The following CADM1 variants were observed in gnomAD, a reference collection of about 807,000 sequenced individuals.
CADM1 encodes TSLC-1.
CADM1 carries 15 observed loss-of-function variants against 53.1 expected under a neutral mutation model. That is an observed-to-expected ratio of 0.28 (90% CI 0.19 to 0.44). CADM1 has a LOEUF of 0.44. Among genes scored for constraint, CADM1 ranks in the 20% least tolerant of loss-of-function variants. The pLI is 1.00. For synonymous variants in CADM1, 281 were observed against 243.0 expected (o/e 1.16, Z -1.45); for missense variants, 434 against 611.3 (o/e 0.71, Z 3.06).
intron 1 of CADM1, among the ~76,000 whole-genome samples, chr11:115,289,593 C>CTT (rs56766047): frequency 4.4e-4 from 48 of 109,054 alleles, no homozygotes; most frequent in Non-Finnish European, 7.8e-4. Context: ...CTTTTTTTTT[C>CTT]TTTTTTTTTT....
intron 6 of CADM1, among the ~76,000 whole-genome samples, chr11:115,215,438 T>G (rs1245206356): frequency 6.6e-6 from 1 of 152,178 alleles, no homozygotes; most frequent in East Asian, 1.9e-4. Context: ...CCTTGGCAAA[T>G]TGCCTTCTTT....
At chr11:115,316,204 C>T (rs902182715) in intron 1 of CADM1, among the ~76,000 whole-genome samples, 1 of 152,172 alleles carries the variant, frequency 6.6e-6, no homozygotes, top group Non-Finnish European at 1.5e-5. Context: ...GGACTCACCC[C>T]TACTATTTAG....
At chr11:115,209,045 T>C (rs1400457077) in intron 8 of CADM1, among the ~76,000 whole-genome samples, 5 of 152,234 alleles carry the variant, frequency 3.3e-5, no homozygotes, top group African/African-American at 9.6e-5. Flanking sequence ...TGACTCCCTC[T>C]GATCTCTTGT....
Position 115,173,721 on chromosome 11 carries a change from C to T in CADM1, c.*2753G>A. The T allele has an allele frequency of 1.3e-6, 1 of 765,286 alleles. No homozygotes were observed. Among genetic ancestry groups the T allele is most frequent in the Non-Finnish European group, 1.6e-6 (1 of 633,002 alleles). 47.4% of individuals were successfully genotyped at this position (765,286 alleles called of 1,614,324 possible). On this transcript the variant is annotated 3_prime_UTR_variant, in exon 12 of 12. Transcript: ENST00000331581. Reference sequence around the variant, plus strand: ...TTTTTGTAAAAATGGTATACATGAACCAATACAAAATGCGAATGGGAACAT... The same window carrying T: ...TTTTTGTAAAAATGGTATACATGAATCAATACAAAATGCGAATGGGAACAT...
chr11:115,369,025 C>CT (rs1461322875), intron 1 of CADM1, among the ~76,000 whole-genome samples: 181 of 7,500 alleles, frequency 0.024, no homozygotes, highest in African/African-American at 0.044. Context: ...GAAAAAAAAT[C>CT]TAAAAAAAAA....
chr11:115,410,730 T>A (rs1324681377), intron 1 of CADM1, among the ~76,000 whole-genome samples: 1 of 151,848 alleles, frequency 6.6e-6, no homozygotes, highest in Non-Finnish European at 1.5e-5. Flanking sequence ...AACAGATGAG[T>A]TTAACATGGA....
chr11:115,269,682 A>C lies in CADM1; in HGVS notation c.125-29262T>G, dbSNP rs144582737. 6.7e-3 allele frequency among the ~76,000 whole-genome samples: 1,027 copies of C among 152,324 alleles called. 11 individuals carry two copies. Among genetic ancestry groups the C allele is most frequent in the Middle Eastern group, 0.031 (9 of 294 alleles). The stretch of plus-strand genomic sequence containing the variant: ...CCAAACCACAGAAGCCAGGAAATTC[A>C]GATCAGAATTGCAAAGTTATATGAG... On this transcript the variant is annotated intron_variant, in intron 1 of 11. Transcript: ENST00000331581.
intron 1 of CADM1, among the ~76,000 whole-genome samples, chr11:115,278,388 A>T (rs1943500016): frequency 6.6e-6 from 1 of 152,232 alleles, no homozygotes; most frequent in Admixed American, 6.5e-5. Flanking sequence ...AGGATAGATA[A>T]GAAAGGTCTT....
chr11:115,233,418 A>C (rs1357826246), intron 3 of CADM1, among the ~76,000 whole-genome samples: 2 of 152,254 alleles, frequency 1.3e-5, no homozygotes, highest in East Asian at 3.8e-4. Flanking sequence ...AACTAGCTGT[A>C]TCTTTCACAT....
intron 1 of CADM1, among the ~76,000 whole-genome samples, chr11:115,336,032 A>C (rs1441371708): frequency 6.6e-6 from 1 of 152,106 alleles, no homozygotes; most frequent in Non-Finnish European, 1.5e-5. Flanking sequence ...CTTCCTTGAG[A>C]CAAGTATGTA....
intron 1 of CADM1, among the ~76,000 whole-genome samples, chr11:115,425,855 C>T (rs1265729693): frequency 2.0e-5 from 3 of 152,214 alleles, no homozygotes; most frequent in Non-Finnish European, 2.9e-5. Flanking sequence ...TACTGCTTTA[C>T]GTGACCATGA....
chr11:115,456,036 C>A (rs1344502764), intron 1 of CADM1, among the ~76,000 whole-genome samples: 2 of 152,138 alleles, frequency 1.3e-5, no homozygotes, highest in African/African-American at 4.8e-5. Context: ...TGATTAGTTT[C>A]TCTCCTGAGC....
intron 5 of CADM1, among the ~76,000 whole-genome samples, chr11:115,219,725 C>A (rs967248954): frequency 6.6e-6 from 1 of 152,102 alleles, no homozygotes; most frequent in Non-Finnish European, 1.5e-5. Context: ...TCCTGGGCAC[C>A]CCCTTTCAGA....
chr11:115,432,787 G>A (rs1189102929), intron 1 of CADM1, among the ~76,000 whole-genome samples: 1 of 152,114 alleles, frequency 6.6e-6, no homozygotes, highest in Non-Finnish European at 1.5e-5. Context: ...CCCAGCTCAC[G>A]CATGACAAAC....
At chr11:115,177,728 T>G (rs991101865) in intron 11 of CADM1, among the ~76,000 whole-genome samples, 4 of 148,742 alleles carry the variant, frequency 2.7e-5, no homozygotes, top group African/African-American at 9.9e-5. Context: ...GCCTCCTGAG[T>G]GTGGGCAGAG....
At chr11:115,319,001 C>A (rs955914544) in intron 1 of CADM1, among the ~76,000 whole-genome samples, 1 of 152,114 alleles carries the variant, frequency 6.6e-6, no homozygotes, top group Admixed American at 6.5e-5. Context: ...ATACTCAAAA[C>A]AATAGGATCT....
chr11:115,420,144 T>C (rs1947716542), intron 1 of CADM1, among the ~76,000 whole-genome samples: 1 of 152,174 alleles, frequency 6.6e-6, no homozygotes, highest in Admixed American at 6.5e-5. Context: ...CTTAAGCTCC[T>C]TTTCTCCTTA....
chr11:115,494,173 G>A (rs1309667217), intron 1 of CADM1, among the ~76,000 whole-genome samples: 1 of 152,116 alleles, frequency 6.6e-6, no homozygotes, highest in Non-Finnish European at 1.5e-5. Flanking sequence ...AATGTTAACA[G>A]TTGATGGATC....
chr11:115,419,188 C>A (rs907989531), intron 1 of CADM1, among the ~76,000 whole-genome samples: 4 of 152,166 alleles, frequency 2.6e-5, no homozygotes, highest in Admixed American at 6.6e-5. Flanking sequence ...TTCAACCCAT[C>A]TTTATGCTGT....
Sources: gnomAD v4.1 joint callset for allele counts (sites outside exome capture counted in the v4.1 genomes callset) on GRCh38, gnomAD v4.1.1 for gene constraint, MANE v1.5 for transcripts, NCBI Gene and HGNC (gene_info 2026-07-23, HGNC 2026-07-21) for gene names.